The following COL4A3 variants were observed in gnomAD, a reference collection of about 807,000 sequenced individuals.
COL4A3 encodes collagen alpha-3(IV) chain.
In COL4A3, 135 loss-of-function variants were observed where a neutral mutation model predicts 217.4. That is an observed-to-expected ratio of 0.62 (90% CI 0.54 to 0.72). The LOEUF (loss-of-function observed/expected upper bound fraction) is 0.72, where lower values mean the gene tolerates loss of function less well. Ranked by LOEUF, COL4A3 falls within the 30% of genes least tolerant of loss-of-function variation. COL4A3 has a pLI of 0.00. For missense variants in COL4A3, 1,868 were observed against 2,119.9 expected, an observed-to-expected ratio of 0.88 and a Z score of 2.33; for synonymous variants, 690 against 736.3, an observed-to-expected ratio of 0.94 and a Z score of 1.02.
chr2:227,269,993 G>A lies in COL4A3; in HGVS notation c.1575+13G>A, dbSNP rs2071145068. On this transcript the variant is annotated intron_variant, in intron 24 of 51. Coordinates refer to ENST00000396578, the MANE Select transcript of COL4A3 (RefSeq NM_000091.5). ...TCCAGGATTTCCAGTAAGATTTCAT[G>A]TTTTTAAATCTTTAGCTTCAATTTG... 3.7e-6 allele frequency: 6 copies of A among 1,609,354 alleles called. No homozygotes were observed. Among genetic ancestry groups the A allele is most frequent in the Non-Finnish European group, 4.3e-6 (5 of 1,176,160 alleles).
chr2:227,294,608 G>A, intron 39 of COL4A3, 38 bp downstream of exon 39: 2 of 1,389,866 alleles, frequency 1.4e-6, no homozygotes, highest in South Asian at 2.3e-5. Flanking sequence ...CTTTTCATGT[G>A]GGAGACACAT....
chr2:227,217,558 G>A (rs2067573009), intron 1 of COL4A3, among the ~76,000 whole-genome samples: 1 of 152,158 alleles, frequency 6.6e-6, no homozygotes. Flanking sequence ...AGCTGATATT[G>A]AGCATAACAA....
Position 227,282,646 on chromosome 2 carries a change from T to G in COL4A3, c.2656+114T>G, listed in dbSNP as rs868791472. On this transcript the variant is annotated intron_variant, in intron 32 of 51. Transcript: ENST00000396578. The surrounding 1 kb of genome is among the most constrained non-coding windows in gnomAD (Gnocchi z 4.4). Reference sequence around the variant, plus strand: ...CTCTATGCTTTTACTTAATATAAGGTTTTCCTTCTAAATTATTTGTAAGAA... The same window carrying G: ...CTCTATGCTTTTACTTAATATAAGGGTTTCCTTCTAAATTATTTGTAAGAA... 24 of 1,003,004 alleles carry G rather than the reference T, an allele frequency of 2.4e-5. No homozygotes were observed. In the Middle Eastern group the frequency reaches 7.7e-4, roughly 32 times the overall value. 62.1% of individuals were successfully genotyped at this position (1,003,004 alleles called of 1,614,324 possible). A position where few individuals can be genotyped will look rare whatever the true frequency, so the allele number is the denominator to read the frequency against.
At chr2:227,172,887 C>T (rs932139790) in intron 1 of COL4A3, among the ~76,000 whole-genome samples, 1 of 152,046 alleles carries the variant, frequency 6.6e-6, no homozygotes, top group Admixed American at 6.6e-5. Context: ...GTGCCTGGCC[C>T]GGTTTCTTCT....
At position 227,305,094 on chromosome 2, in the gene COL4A3, A is replaced by G; in HGVS notation, c.4252+11A>G. ...CTAAAGGAGAGCCAGGTAAACCCCC[A>G]GCTTGTTTCCTCACCGAAGAAGTGC... On this transcript the variant is annotated intron_variant, in intron 47 of 51. Coordinates refer to ENST00000396578, the MANE Select transcript of COL4A3 (RefSeq NM_000091.5). The G allele has an allele frequency of 1.2e-6, 2 of 1,611,776 alleles. No individual in the cohort carries two copies. Among genetic ancestry groups the G allele is most frequent in the Non-Finnish European group, 8.5e-7 (1 of 1,178,474 alleles).
At position 227,238,011 on chromosome 2, in the gene COL4A3, C is replaced by T; in HGVS notation, c.131C>T (p.Ala44Val). Reference sequence around the variant, plus strand: ...AAAGGCCAGTGCTTCTGTGACGGGGCCAAAGGGGAGAAGGTAAAAACAAAC... The same window carrying T: ...AAAGGCCAGTGCTTCTGTGACGGGGTCAAAGGGGAGAAGGTAAAAACAAAC... ...KDKGQCFCDG[A>V]KGEKGEKGFP... Residue 44 changes from alanine (A) to valine (V), a missense_variant, in exon 2 of 52, where the codon GCC becomes GTC. Ala to Val is a moderately conservative substitution (Grantham distance 64, BLOSUM62 0). This residue lies in a region of COL4A3 where 365 missense variants were observed against 333.8 expected (regional missense o/e 1.09). Transcript: ENST00000396578. The T allele has an allele frequency of 1.2e-6, 2 of 1,606,296 alleles. No individual in the cohort carries two copies. The highest frequency in any genetic ancestry group is 1.7e-6 in the Non-Finnish European group (2 of 1,173,192).
rs536792993 is a variant in COL4A3, at chr2:227,255,652, G to A, written c.889-374G>A. On this transcript the variant is annotated intron_variant, in intron 15 of 51. Transcript: ENST00000396578. ...AATATTTCAAATAAATAAATAAATG[G>A]ACTGTAAACACCTTCCTTTTTCTAG... Among the ~76,000 whole-genome samples, 55 of 152,200 alleles carry A rather than the reference G, an allele frequency of 3.6e-4. 1 individual carries two copies. In the South Asian group the frequency reaches 3.7e-3, roughly 10 times the overall value.
rs2072578547 is a variant in COL4A3 at position 227,289,933 on chromosome 2, G to T, written c.2981-66G>T. 3 of 1,493,716 alleles carry T rather than the reference G, an allele frequency of 2.0e-6. No individual in the cohort carries two copies. The African/African-American group carries it at 4.1e-5, about 21-fold the overall frequency. 92.5% of individuals were successfully genotyped at this position (1,493,716 alleles called of 1,614,324 possible). ...ATTCATTCATGCATGCAAGCAACAAGTATTTATTAAACACATACTATGTCC... is the reference window on the plus strand; with the variant it reads ...ATTCATTCATGCATGCAAGCAACAATTATTTATTAAACACATACTATGTCC... On this transcript the variant is annotated intron_variant, in intron 35 of 51. Transcript: ENST00000396578.
chr2:227,188,880 T>C (rs890371128), intron 1 of COL4A3, among the ~76,000 whole-genome samples: 6 of 152,184 alleles, frequency 3.9e-5, no homozygotes, highest in African/African-American at 1.4e-4. Flanking sequence ...GTAAGAGTTA[T>C]GGACCAAGAA....
Position 227,254,192 on chromosome 2 carries a change from A to ATAT in COL4A3, c.828+20_828+22dup. ...GACCCTCAGTAGGTTATTTAAAGTT[A>ATAT]TATTGTCCCCATAACACATAAAGTA... On this transcript the variant is annotated intron_variant, in intron 14 of 51. Transcript: ENST00000396578. 6.2e-7 allele frequency: 1 copy of ATAT among 1,607,346 alleles called. No individual in the cohort carries two copies. The highest frequency in any genetic ancestry group is 1.3e-5 in the African/African-American group (1 of 74,666).
intron 6 of COL4A3, 80 bp downstream of exon 6, chr2:227,246,096 A>C (rs918959268): frequency 9.0e-7 from 1 of 1,115,632 alleles, no homozygotes; most frequent in Non-Finnish European, 1.4e-6. Flanking sequence ...AATGAAAGGC[A>C]GACAGGCTTC....
At chr2:227,277,419 T>G in intron 27 of COL4A3, 30 bp from the exon 28 acceptor site, 7 of 1,329,668 alleles carry the variant, frequency 5.3e-6, no homozygotes, top group African/African-American at 1.4e-5. Context: ...GTTGCTGATG[T>G]GGAGATGCAT....
At chr2:227,227,189 T>C (rs2068142443) in intron 1 of COL4A3, among the ~76,000 whole-genome samples, 1 of 152,186 alleles carries the variant, frequency 6.6e-6, no homozygotes, top group African/African-American at 2.4e-5. Flanking sequence ...AGCTACTATG[T>C]TATGTTTTTC....
intron 2 of COL4A3, among the ~76,000 whole-genome samples, chr2:227,239,544 G>A (rs1351548742): frequency 6.6e-6 from 1 of 152,082 alleles, no homozygotes; most frequent in Non-Finnish European, 1.5e-5. Context: ...CTTTTACTAG[G>A]TACTTTCCCC....
chr2:227,242,428 C>T (rs899516547), intron 3 of COL4A3, among the ~76,000 whole-genome samples: 4 of 152,142 alleles, frequency 2.6e-5, no homozygotes, highest in Non-Finnish European at 4.4e-5. Context: ...TCTCTGAACA[C>T]CATGCTTCAG....
chr2:227,245,877 A>G (rs1421915743), intron 5 of COL4A3, 77 bp from the exon 6 acceptor site: 1 of 986,468 alleles, frequency 1.0e-6, no homozygotes, highest in Non-Finnish European at 1.6e-6. Flanking sequence ...AGCTATTTAA[A>G]TCAGTGCATC....
At chr2:227,307,990 G>A (rs2073583290) in intron 48 of COL4A3, 71 bp downstream of exon 48, 3 of 1,371,318 alleles carry the variant, frequency 2.2e-6, no homozygotes, top group African/African-American at 1.4e-5. Flanking sequence ...AGCCTAGGAT[G>A]CTTCCCTCTG....
chr2:227,247,523 T>G, intron 7 of COL4A3, 35 bp from the exon 8 acceptor site: 1 of 1,611,190 alleles, frequency 6.2e-7, no homozygotes, highest in Non-Finnish European at 8.5e-7. Context: ...GCGTTTGATA[T>G]TCCTCTAGTT....
In COL4A3 at chr2:227,283,854, G is replaced by C. The variant is rs1425473176; in HGVS notation, c.2744G>C (p.Arg915Thr). 1.2e-6 allele frequency: 2 copies of C among 1,611,988 alleles called. No individual in the cohort carries two copies. The highest frequency in any genetic ancestry group is 2.2e-5 in the South Asian group (2 of 91,044). ...GGGAACCCAGGCACACCAGGGCAGA[G>C]GGGTAAGTGATAGAGTGTCTTTCTA... Reference protein sequence around the residue: ...PPGNPGTPGQRGSPGIPGVKG... With the variant: ...PPGNPGTPGQTGSPGIPGVKG... Residue 915 changes from arginine (R) to threonine (T), a missense_variant and splice_region_variant, in exon 33 of 52, where the codon AGG (arginine) becomes ACG (threonine). Physicochemically the swap from Arg to Thr is moderately conservative, Grantham distance 71. Transcript: ENST00000396578.
Sources: gnomAD v4.1 joint callset for allele counts (sites outside exome capture counted in the v4.1 genomes callset) on GRCh38, gnomAD v4.1.1 for gene constraint, gnomAD v4.1.1 regional missense constraint, Gnocchi (gnomAD v3.1) non-coding constraint, MANE v1.5 for transcripts, NCBI Gene and HGNC (gene_info 2026-07-23, HGNC 2026-07-21) for gene names.